TMEM51: variants seen among roughly 807,000 people sequenced by gnomAD.
TMEM51 encodes the protein transmembrane protein 51, also known as chromosome 1 open reading frame 72.
In TMEM51, 8 loss-of-function variants were observed where a neutral mutation model predicts 13.6. The ratio of observed to expected loss-of-function variants is 0.59; its 90% CI spans 0.35 to 1.07. The LOEUF is 1.07. TMEM51 is among the 50% of genes least tolerant of loss of function. TMEM51 has a pLI of 0.02. For missense variants in TMEM51, 279 were observed against 330.7 expected (o/e 0.84, Z 1.21); for synonymous variants, 147 against 144.4 (o/e 1.02, Z -0.13).
intron 1 of TMEM51, among the ~76,000 whole-genome samples, chr1:15,198,618 A>T (rs968174357): frequency 2.0e-5 from 3 of 152,018 alleles, no homozygotes; most frequent in Admixed American, 1.3e-4. Flanking sequence ...GGGTTTCACC[A>T]TGTTGACCAG....
At chr1:15,202,797 A>C (rs1573436770) in intron 1 of TMEM51, among the ~76,000 whole-genome samples, 1 of 152,146 alleles carries the variant, frequency 6.6e-6, no homozygotes, top group African/African-American at 2.4e-5. Context: ...TAGGACCCGG[A>C]TATCTTTGAA....
intron 1 of TMEM51, among the ~76,000 whole-genome samples, chr1:15,202,682 G>C (rs758886105): frequency 6.6e-6 from 1 of 151,920 alleles, no homozygotes; most frequent in African/African-American, 2.4e-5. Flanking sequence ...ATCAAATTGG[G>C]CCCACCTGGA....
At chr1:15,177,317 T>G (rs769528018) in intron 1 of TMEM51, among the ~76,000 whole-genome samples, 4 of 151,922 alleles carry the variant, frequency 2.6e-5, no homozygotes, top group Non-Finnish European at 5.9e-5. Context: ...AGAGAGTGTG[T>G]GTATGTTAGA....
At chr1:15,210,755 C>T (rs1022103830) in intron 2 of TMEM51, among the ~76,000 whole-genome samples, 193 bp downstream of exon 2, 2 of 152,178 alleles carry the variant, frequency 1.3e-5, no homozygotes, top group Non-Finnish European at 2.9e-5. Flanking sequence ...TATTGGAAGC[C>T]GTGTGGTCCA....
chr1:15,218,996 C>T (rs1461655534), intron 3 of TMEM51, among the ~76,000 whole-genome samples: 2 of 152,208 alleles, frequency 1.3e-5, no homozygotes, highest in Non-Finnish European at 2.9e-5. Flanking sequence ...TGGTCTAACA[C>T]CACTGGCTCA....
intron 1 of TMEM51, among the ~76,000 whole-genome samples, chr1:15,208,563 C>T (rs1451486294): frequency 2.6e-5 from 4 of 152,032 alleles, no homozygotes; most frequent in Non-Finnish European, 4.4e-5. Context: ...CCCAGGAGTT[C>T]GAGGCTGCAG....
At chr1:15,175,823 CG>C (rs1557838564) in intron 1 of TMEM51, among the ~76,000 whole-genome samples, 1 of 152,170 alleles carries the variant, frequency 6.6e-6, no homozygotes, top group Non-Finnish European at 1.5e-5. Flanking sequence ...CACCTGGCCC[CG>C]CCCTTGACAC....
At chr1:15,201,579 A>C (rs77402514) in intron 1 of TMEM51, among the ~76,000 whole-genome samples, 2,882 of 152,290 alleles carry the variant, frequency 0.019, 92 homozygotes, top group African/African-American at 0.066. Context: ...CAAGTGTGAC[A>C]AGTGACTTCC....
intron 1 of TMEM51, among the ~76,000 whole-genome samples, chr1:15,202,734 T>C (rs924854177): frequency 6.6e-6 from 1 of 152,150 alleles, no homozygotes; most frequent in Non-Finnish European, 1.5e-5. Flanking sequence ...CTTAACTTAA[T>C]CATGTCCAAA....
At chr1:15,157,161 AGAGATAGCCC>A (rs761620773) in intron 1 of TMEM51, among the ~76,000 whole-genome samples, 2 of 152,162 alleles carry the variant, frequency 1.3e-5, no homozygotes, top group South Asian at 4.2e-4. Flanking sequence ...GATGCTGACC[AGAGATAGCCC>A]TCTGAGGGTC....
chr1:15,167,375 C>A (rs1276784399), intron 1 of TMEM51, among the ~76,000 whole-genome samples: 1 of 149,922 alleles, frequency 6.7e-6, no homozygotes, highest in African/African-American at 2.4e-5. Context: ...TTGAGATTTC[C>A]CCATACTGCA....
intron 1 of TMEM51, among the ~76,000 whole-genome samples, chr1:15,160,824 C>A (rs983656697): frequency 3.3e-5 from 5 of 151,972 alleles, no homozygotes; most frequent in African/African-American, 1.2e-4. Flanking sequence ...GTATGCCAGG[C>A]GCTGAGCCCA....
chr1:15,209,904 G>A (rs1192536278), intron 1 of TMEM51, among the ~76,000 whole-genome samples: 1 of 152,084 alleles, frequency 6.6e-6, no homozygotes, highest in Non-Finnish European at 1.5e-5. Context: ...GGGGGTGTGC[G>A]CCTGTAGTCC....
At chr1:15,216,256 C>T (rs1202357128) in intron 3 of TMEM51, among the ~76,000 whole-genome samples, 1 of 151,888 alleles carries the variant, frequency 6.6e-6, no homozygotes, top group Non-Finnish European at 1.5e-5. Flanking sequence ...ATGCCACCAA[C>T]AAATTTAAAA....
intron 1 of TMEM51, among the ~76,000 whole-genome samples, chr1:15,202,762 T>A (rs747305075): frequency 6.6e-6 from 1 of 152,214 alleles, no homozygotes; most frequent in African/African-American, 2.4e-5. Context: ...TTTTTCCATA[T>A]AGGCTAGAAG....
At chr1:15,157,664 G>A (rs894833290) in intron 1 of TMEM51, among the ~76,000 whole-genome samples, 1 of 152,130 alleles carries the variant, frequency 6.6e-6, no homozygotes, top group Non-Finnish European at 1.5e-5. Context: ...AAGATGAGGT[G>A]TGCACATTGA....
intron 1 of TMEM51, among the ~76,000 whole-genome samples, chr1:15,175,421 A>T (rs6703631): frequency 0.73 from 111,255 of 152,004 alleles, 41,905 homozygotes; most frequent in East Asian, 0.96. Context: ...TAAATTAAAT[A>T]AAATAAAATA....
chr1:15,214,303 G>A (rs1354373727), intron 2 of TMEM51, among the ~76,000 whole-genome samples: 1 of 152,170 alleles, frequency 6.6e-6, no homozygotes, highest in Non-Finnish European at 1.5e-5. Flanking sequence ...GAGGGTGGTT[G>A]GGGGTGGGTA....
In TMEM51 at chr1:15,207,739, G is replaced by A. The variant is rs959579526; in HGVS notation, c.-266-2751G>A. Reference sequence around the variant, plus strand: ...TTCCCTGCTGACTTCCACCTGCAAAGGCCAGGCAACCGCTGAAACCTCCAG... The same window carrying A: ...TTCCCTGCTGACTTCCACCTGCAAAAGCCAGGCAACCGCTGAAACCTCCAG... On this transcript the variant is annotated intron_variant, in intron 1 of 3. Coordinates refer to ENST00000376008, the MANE Select transcript of TMEM51 (RefSeq NM_001136218.2). This position sits in a 1 kb window ranked among gnomAD's most constrained non-coding sequence, Gnocchi z 4.6. Among the ~76,000 whole-genome samples, 1 of 152,246 alleles carries A rather than the reference G, an allele frequency of 6.6e-6. No individual in the cohort carries two copies. The highest frequency in any genetic ancestry group is 2.4e-5 in the African/African-American group (1 of 41,470).
Sources: allele counts gnomAD v4.1 joint callset (sites outside exome capture counted in the v4.1 genomes callset), GRCh38; gene constraint gnomAD v4.1.1; non-coding constraint Gnocchi (gnomAD v3.1); transcripts MANE v1.5; gene names NCBI Gene and HGNC (gene_info 2026-07-23, HGNC 2026-07-21).